KANK1: variants seen among roughly 807,000 people sequenced by gnomAD.
KANK1 encodes the protein KN motif and ankyrin repeat domains 1.
A neutral mutation model predicts 106.2 loss-of-function variants in KANK1; 109 were observed. That is an observed-to-expected ratio of 1.03 (90% confidence interval 0.88 to 1.20). KANK1 has a LOEUF of 1.20. KANK1 is among the 50% of genes most tolerant of loss of function. KANK1 has a pLI of 0.00. For synonymous variants in KANK1, 873 were observed against 652.2 expected, an observed-to-expected ratio of 1.34 and a Z score of -5.16; for missense variants, 2,399 against 1,710.7, an observed-to-expected ratio of 1.40 and a Z score of -7.10.
At chr9:647,893 A>G (rs1840036910) in intron 1 of KANK1, among the ~76,000 whole-genome samples, 3 of 150,460 alleles carry the variant, frequency 2.0e-5, no homozygotes, top group South Asian at 4.1e-4. Context: ...CAGGTAGAAC[A>G]CTAAAGGACC....
chr9:661,657 G>T (rs71488143), intron 1 of KANK1, among the ~76,000 whole-genome samples: 127,423 of 151,956 alleles, frequency 0.84, 53,566 homozygotes, highest in East Asian at 0.97. Context: ...GGATCACTGG[G>T]TCAAGTGGTA....
intron 2 of KANK1, among the ~76,000 whole-genome samples, chr9:688,178 A>G (rs1417438279): frequency 7.2e-5 from 11 of 152,204 alleles, no homozygotes; most frequent in Non-Finnish European, 1.6e-4. Context: ...CATGTGTGAC[A>G]CTTCACCTGG....
intron 3 of KANK1, among the ~76,000 whole-genome samples, chr9:714,448 C>T (rs922566249): frequency 2.0e-5 from 3 of 150,338 alleles, no homozygotes; most frequent in Admixed American, 6.7e-5. Context: ...CAACCTCTGC[C>T]TCTCAGGTAC....
At chr9:623,341 C>G (rs886292234) in intron 1 of KANK1, among the ~76,000 whole-genome samples, 2 of 151,936 alleles carry the variant, frequency 1.3e-5, no homozygotes, top group African/African-American at 4.8e-5. Context: ...TGTAATCTCA[C>G]CATTTTGGGA....
chr9:620,837 A>T (rs539420423), intron 1 of KANK1, among the ~76,000 whole-genome samples: 1 of 152,226 alleles, frequency 6.6e-6, no homozygotes, highest in Non-Finnish European at 1.5e-5. Context: ...TTGATTGGGA[A>T]TAAGAAATAA....
At chr9:642,936 T>G (rs193047354) in intron 1 of KANK1, among the ~76,000 whole-genome samples, 94 of 150,714 alleles carry the variant, frequency 6.2e-4, no homozygotes, top group Non-Finnish European at 1.2e-3. Context: ...CTAAATTTTT[T>G]TAATGCATGT....
intron 1 of KANK1, among the ~76,000 whole-genome samples, chr9:610,341 C>G (rs768180057): frequency 1.3e-5 from 2 of 152,008 alleles, no homozygotes; most frequent in Non-Finnish European, 2.9e-5. Context: ...CCAAAGTGAA[C>G]CATGATGAGA....
chr9:554,598 C>A (rs115719475), intron 1 of KANK1, among the ~76,000 whole-genome samples: 1 of 152,316 alleles, frequency 6.6e-6, no homozygotes, highest in African/African-American at 2.4e-5. Context: ...ACTAACATCA[C>A]AACCATCTGA....
chr9:521,007 T>A (rs1452084610), intron 1 of KANK1, among the ~76,000 whole-genome samples: 1 of 151,806 alleles, frequency 6.6e-6, no homozygotes, highest in Non-Finnish European at 1.5e-5. Flanking sequence ...ATGGGGCCTT[T>A]TGACAGAAAT....
intron 3 of KANK1, among the ~76,000 whole-genome samples, chr9:719,496 T>C (rs1828731725): frequency 6.6e-6 from 1 of 152,230 alleles, no homozygotes; most frequent in Admixed American, 6.5e-5. Context: ...CTCTTCTTTT[T>C]TGTGTTTTCA....
intron 1 of KANK1, among the ~76,000 whole-genome samples, chr9:525,857 C>G (rs1159579120): frequency 1.3e-5 from 2 of 151,410 alleles, no homozygotes; most frequent in Admixed American, 6.6e-5. Flanking sequence ...ACAAGGACCT[C>G]TTGGAAAACT....
At chr9:620,431 C>T (rs1446389513) in intron 1 of KANK1, among the ~76,000 whole-genome samples, 3 of 151,954 alleles carry the variant, frequency 2.0e-5, no homozygotes. Context: ...CGGAGTCTCG[C>T]ACTGTCACCC....
chr9:486,260 C>T (rs1377606210), intron 3 of KANK1, among the ~76,000 whole-genome samples: 5 of 152,180 alleles, frequency 3.3e-5, no homozygotes, highest in African/African-American at 1.2e-4. Context: ...AACCAGGATA[C>T]ATAGGAGAAA....
At chr9:690,662 G>A (rs997455963) in intron 2 of KANK1, among the ~76,000 whole-genome samples, 10 of 152,142 alleles carry the variant, frequency 6.6e-5, no homozygotes, top group African/African-American at 2.4e-4. Flanking sequence ...GTGTAATTCA[G>A]GCCACCACTC....
chr9:721,480 A>G (rs1334073643), intron 3 of KANK1, among the ~76,000 whole-genome samples: 2 of 152,260 alleles, frequency 1.3e-5, no homozygotes, highest in Non-Finnish European at 2.9e-5. Context: ...TAATTAGCCC[A>G]AGCATAATAA....
rs958982331 is a variant in KANK1, at chr9:600,071, A to G, written c.-83-76819A>G. On this transcript the variant is annotated intron_variant, in intron 1 of 11. Coordinates refer to ENST00000382297, the MANE Select transcript of KANK1 (RefSeq NM_015158.5). ...TGTTAGGCATAACACATAATTTACT[A>G]TCTTAACTGTTTTTTTAATTGCACA... 6.6e-5 allele frequency among the ~76,000 whole-genome samples: 10 copies of G among 151,838 alleles called. 1 individual carries two copies. The highest frequency in any genetic ancestry group is 2.4e-4 in the African/African-American group (10 of 41,096).
chr9:676,997 G>C lies in KANK1; in HGVS notation c.25G>C (p.Gly9Arg), dbSNP rs757853268. Residue 9 changes from glycine (G) to arginine (R), a missense_variant, in exon 2 of 12, where the codon GGC becomes CGC. Coordinates refer to ENST00000382297, the MANE Select transcript of KANK1 (RefSeq NM_015158.5). Reference sequence around the variant, plus strand: ...CATGGCTCACACCACAAAGGTTAACGGCAGTGCCTCAGGTAACCCTGTGCT... The same window carrying C: ...CATGGCTCACACCACAAAGGTTAACCGCAGTGCCTCAGGTAACCCTGTGCT... MAHTTKVN[G>R]SASGKAGDIL... 2.1e-5 allele frequency: 34 copies of C among 1,613,694 alleles called. No individual in the cohort carries two copies. The highest frequency in any genetic ancestry group is 2.4e-5 in the Non-Finnish European group (28 of 1,179,772).
At chr9:584,528 G>A (rs78509379) in intron 1 of KANK1, among the ~76,000 whole-genome samples, 5,458 of 152,262 alleles carry the variant, frequency 0.036, 127 homozygotes, top group Non-Finnish European at 0.055. Context: ...CTAGACTTCT[G>A]TTCTGTTGAT....
At chr9:553,849 C>A (rs956876244) in intron 1 of KANK1, among the ~76,000 whole-genome samples, 2 of 151,976 alleles carry the variant, frequency 1.3e-5, no homozygotes, top group African/African-American at 2.4e-5. Flanking sequence ...GGAAATTAAA[C>A]CCAAATATAA....
Sources: allele counts gnomAD v4.1 joint callset (sites outside exome capture counted in the v4.1 genomes callset), GRCh38; gene constraint gnomAD v4.1.1; transcripts MANE v1.5; gene names NCBI Gene and HGNC (gene_info 2026-07-23, HGNC 2026-07-21).